Variants in GRK5 observed in about 807,000 individuals in gnomAD.
GRK5 encodes G protein-coupled receptor kinase 5, also known as g protein-coupled receptor kinase GRK5.
A neutral mutation model predicts 78.4 loss-of-function variants in GRK5; 40 were observed. The observed-to-expected ratio is 0.51, with a 90% CI of 0.40 to 0.66. The LOEUF is 0.66. GRK5 is among the 30% of genes least tolerant of loss of function. The pLI is 0.00. For synonymous variants in GRK5, 289 were observed against 296.8 expected (o/e 0.97, Z 0.27); for missense variants, 598 against 759.9 (o/e 0.79, Z 2.50).
intron 2 of GRK5, among the ~76,000 whole-genome samples, chr10:119,357,390 T>G (rs73451620): frequency 0.022 from 3,273 of 152,230 alleles, 126 homozygotes; most frequent in African/African-American, 0.075. Context: ...GAGGCACCTG[T>G]GGTAAAGCCC....
intron 1 of GRK5, among the ~76,000 whole-genome samples, chr10:119,218,316 G>A (rs1000511849): frequency 3.3e-5 from 5 of 152,126 alleles, no homozygotes; most frequent in African/African-American, 1.2e-4. Flanking sequence ...ACTCCAGGAA[G>A]GGAAGGGGAG....
chr10:119,372,907 A>G (rs972729241), intron 2 of GRK5, among the ~76,000 whole-genome samples: 1 of 152,254 alleles, frequency 6.6e-6, no homozygotes, highest in Non-Finnish European at 1.5e-5. Context: ...AGGGGAAGGG[A>G]TGACTCTCCA....
intron 1 of GRK5, among the ~76,000 whole-genome samples, chr10:119,321,767 G>A (rs149910933): frequency 5.1e-4 from 77 of 152,278 alleles, no homozygotes; most frequent in Non-Finnish European, 7.2e-4. Flanking sequence ...GGAAGCTGAG[G>A]AAATAGGGTT....
At chr10:119,397,375 A>C (rs1852072861) in intron 4 of GRK5, among the ~76,000 whole-genome samples, 1 of 152,160 alleles carries the variant, frequency 6.6e-6, no homozygotes, top group Admixed American at 6.5e-5. Flanking sequence ...TCACCTTCAC[A>C]GAAGTGTGTT....
intron 2 of GRK5, among the ~76,000 whole-genome samples, chr10:119,364,637 C>T (rs746760671): frequency 2.0e-5 from 3 of 152,158 alleles, no homozygotes; most frequent in Non-Finnish European, 4.4e-5. Flanking sequence ...AATGCAGTTA[C>T]GGTCTGACCT....
intron 2 of GRK5, chr10:119,333,544 G>A (rs1241899630): frequency 9.1e-6 from 3 of 328,862 alleles, no homozygotes; most frequent in South Asian, 2.4e-5. Context: ...CCGCCCAGGA[G>A]AGCCAGGTCC....
In GRK5 at chr10:119,431,598, G is replaced by A. The variant is rs1006238306; in HGVS notation, c.738+71G>A. Reference sequence around the variant, plus strand: ...CTGGGGCTTCCCTCCCTCCGGAAGGGCGTGGTCCTCTAATGCGGCCGGTCC... The same window carrying A: ...CTGGGGCTTCCCTCCCTCCGGAAGGACGTGGTCCTCTAATGCGGCCGGTCC... On this transcript the variant is annotated intron_variant, in intron 8 of 15. Transcript: ENST00000392870. This position sits in a 1 kb window ranked among gnomAD's most constrained non-coding sequence, Gnocchi z 4.8. The A allele has an allele frequency of 7.1e-6, 11 of 1,554,662 alleles. No homozygotes were observed. The Admixed American group carries it at 2.0e-4, about 29-fold the overall frequency.
At position 119,267,904 on chromosome 10, in the gene GRK5, A is replaced by G. The variant is rs1849527547; in HGVS notation, c.53-58612A>G. On this transcript the variant is annotated intron_variant, in intron 1 of 15. Transcript: ENST00000392870. The surrounding 1 kb of genome is among the most constrained non-coding windows in gnomAD (Gnocchi z 4.1). Reference sequence around the variant, plus strand: ...GGTCCAAAACCCTACATGCTGCCTCATAGGAAATGGGGTCCCCTGAGGAGA... The same window carrying G: ...GGTCCAAAACCCTACATGCTGCCTCGTAGGAAATGGGGTCCCCTGAGGAGA... Among the ~76,000 whole-genome samples the G allele has an allele frequency of 1.3e-5, 2 of 152,258 alleles. No homozygotes were observed. Among genetic ancestry groups the G allele is most frequent in the South Asian group, 4.1e-4 (2 of 4,830 alleles).
intron 3 of GRK5, among the ~76,000 whole-genome samples, chr10:119,383,432 C>A (rs183447492): frequency 1.5e-3 from 223 of 152,350 alleles, no homozygotes; most frequent in Non-Finnish European, 2.4e-3. Context: ...CAAGGGCTTG[C>A]AACATGGCAA....
At chr10:119,407,221 A>G (rs1156407525) in intron 4 of GRK5, among the ~76,000 whole-genome samples, 1 of 152,156 alleles carries the variant, frequency 6.6e-6, no homozygotes, top group Non-Finnish European at 1.5e-5. Context: ...TTTAAGCACC[A>G]TGGAGCTGAG....
At chr10:119,293,746 C>T (rs1850025602) in intron 1 of GRK5, among the ~76,000 whole-genome samples, 1 of 147,196 alleles carries the variant, frequency 6.8e-6, no homozygotes, top group Non-Finnish European at 1.5e-5. Context: ...TGCCCCGAGG[C>T]AGCAGTCAGT....
chr10:119,222,112 A>G (rs1350757055), intron 1 of GRK5, among the ~76,000 whole-genome samples: 2 of 152,138 alleles, frequency 1.3e-5, no homozygotes, highest in Non-Finnish European at 2.9e-5. Context: ...TGCTGTTAGT[A>G]TTATTCTAGT....
chr10:119,297,693 C>G (rs1404146789), intron 1 of GRK5, among the ~76,000 whole-genome samples: 1 of 152,184 alleles, frequency 6.6e-6, no homozygotes, highest in Non-Finnish European at 1.5e-5. Context: ...TGCTCTTGCC[C>G]CCTCTTGCCC....
intron 2 of GRK5, among the ~76,000 whole-genome samples, chr10:119,370,370 T>C (rs1286912275): frequency 6.6e-6 from 1 of 152,136 alleles, no homozygotes; most frequent in African/African-American, 2.4e-5. Flanking sequence ...CACAGAAACA[T>C]GTGACAAGCA....
At chr10:119,350,981 A>G (rs1851177838) in intron 2 of GRK5, among the ~76,000 whole-genome samples, 1 of 152,208 alleles carries the variant, frequency 6.6e-6, no homozygotes. Flanking sequence ...TGTGTTGCAG[A>G]TACTGGGCTA....
At chr10:119,262,229 G>A (rs569052760) in intron 1 of GRK5, among the ~76,000 whole-genome samples, 5 of 151,812 alleles carry the variant, frequency 3.3e-5, no homozygotes, top group African/African-American at 1.2e-4. Context: ...AGAAGCACAA[G>A]TGGTGCCCCT....
intron 2 of GRK5, among the ~76,000 whole-genome samples, chr10:119,366,111 G>T (rs1851444991): frequency 6.9e-6 from 1 of 145,276 alleles, no homozygotes. Flanking sequence ...CCTGGTGTAG[G>T]TCTCAGCACA....
At chr10:119,293,437 G>A (rs1177449733) in intron 1 of GRK5, among the ~76,000 whole-genome samples, 1 of 152,204 alleles carries the variant, frequency 6.6e-6, no homozygotes, top group East Asian at 1.9e-4. Context: ...CAATTGAGGA[G>A]CAGAGATGGG....
intron 9 of GRK5, among the ~76,000 whole-genome samples, chr10:119,438,738 A>G (rs1018005904): frequency 2.0e-5 from 3 of 152,252 alleles, no homozygotes; most frequent in Admixed American, 2.0e-4. Context: ...GTGAGCTGCC[A>G]TGCTAGCCTG....
Sources: allele counts gnomAD v4.1 joint callset (sites outside exome capture counted in the v4.1 genomes callset), GRCh38; gene constraint gnomAD v4.1.1; non-coding constraint Gnocchi (gnomAD v3.1); transcripts MANE v1.5; gene names NCBI Gene and HGNC (gene_info 2026-07-23, HGNC 2026-07-21).